JADE3: variants seen among roughly 807,000 people sequenced by gnomAD.
The protein encoded by JADE3 is jade family PHD finger 3, also known as protein Jade-3.
A neutral mutation model predicts 50.1 loss-of-function variants in JADE3; 2 were observed. The observed-to-expected ratio is 0.04, with a 90% confidence interval of 0.02 to 0.13. The LOEUF (loss-of-function observed/expected upper bound fraction) is 0.13. JADE3 is among the 10% of genes least tolerant of loss of function. JADE3 has a pLI of 1.00. For synonymous variants in JADE3, 218 were observed against 232.9 expected (o/e 0.94, Z 0.58); for missense variants, 475 against 634.4 (o/e 0.75, Z 2.70).
At chrX:47,017,448 A>G (rs1928699612) in intron 4 of JADE3, among the ~76,000 whole-genome samples, 1 of 112,093 alleles carries the variant, frequency 8.9e-6, no homozygotes, top group African/African-American at 3.2e-5. Flanking sequence ...TAGAAGGAAA[A>G]CAATGCTTCA....
At chrX:46,988,873 TC>T (rs1927920106) in intron 3 of JADE3, among the ~76,000 whole-genome samples, 1 of 112,452 alleles carries the variant, frequency 8.9e-6, no homozygotes, top group Admixed American at 9.3e-5. Context: ...GGAGTCTCGC[TC>T]TGTCGCTCAG....
intron 4 of JADE3, among the ~76,000 whole-genome samples, chrX:47,006,040 G>A (rs1928409268): frequency 9.0e-6 from 1 of 111,469 alleles, no homozygotes. Context: ...TCAAGAATCA[G>A]GAAGGTCTCA....
chrX:47,056,846 T>G (rs1262746265), intron 10 of JADE3, among the ~76,000 whole-genome samples: 1 of 111,986 alleles, frequency 8.9e-6, no homozygotes, highest in South Asian at 3.7e-4. Flanking sequence ...TCCCTGTGCC[T>G]CATTTAACAC....
chrX:47,042,567 A>G (rs948246963), intron 8 of JADE3, among the ~76,000 whole-genome samples: 1 of 111,612 alleles, frequency 9.0e-6, no homozygotes, highest in Admixed American at 9.5e-5. Context: ...CCAAATTGAG[A>G]CTCTTACAAT....
intron 4 of JADE3, among the ~76,000 whole-genome samples, chrX:47,004,011 C>T (rs992071952): frequency 9.3e-6 from 1 of 107,858 alleles, no homozygotes; most frequent in East Asian, 2.9e-4. Context: ...GTACAACTTC[C>T]ACCTCCTAGG....
At chrX:46,961,313 G>A (rs1927252702) in intron 1 of JADE3, among the ~76,000 whole-genome samples, 1 of 111,442 alleles carries the variant, frequency 9.0e-6, no homozygotes, top group African/African-American at 3.3e-5. Context: ...CATTTATACT[G>A]TCTACAACGG....
intron 3 of JADE3, among the ~76,000 whole-genome samples, chrX:46,989,137 C>T (rs888781136): frequency 9.0e-6 from 1 of 111,599 alleles, no homozygotes; most frequent in Non-Finnish European, 1.9e-5. Flanking sequence ...TGCGCCCTGC[C>T]GCCATTGGCT....
In JADE3 at chrX:47,058,260, A is replaced by T; in HGVS notation, c.1655A>T (p.Asp552Val). 1 of 1,210,404 alleles carries T rather than the reference A, an allele frequency of 8.3e-7. No homozygotes were observed. The highest frequency in any genetic ancestry group is 1.1e-6 in the Non-Finnish European group (1 of 894,799). Residue 552 changes from aspartate (D) to valine (V), a missense_variant, in exon 11 of 11, where the codon GAC (aspartate) becomes GTC (valine). By Grantham distance (152) the Asp-to-Val change is radical. This residue lies in a region of JADE3 where 243 missense variants were observed against 238.2 expected (regional missense o/e 1.02). Transcript: ENST00000614628. ...KLKMPKSTPE[D>V]HRNSSTETDQ... ...AAAATGCCCAAATCAACCCCAGAAG[A>T]CCACAGAAACAGCTCCACAGAAACC...
At chrX:46,923,393 C>CTCTTTTTTTTT (rs1556338199) in intron 1 of JADE3, among the ~76,000 whole-genome samples, 1 of 11,522 alleles carries the variant, frequency 8.7e-5, no homozygotes, top group African/African-American at 2.0e-4. Context: ...CTCTCTCTCT[C>CTCTTTTTTTTT]TTTTTTTTTT....
rs1556357944 is a variant in JADE3, at chrX:46,998,187, A to G, written c.194A>G (p.Tyr65Cys). The G allele has an allele frequency of 6.6e-6, 8 of 1,204,232 alleles. No homozygotes were observed. The highest frequency in any genetic ancestry group is 9.0e-6 in the Non-Finnish European group (8 of 889,221). The change falls in exon 4 of 11, where the codon TAT becomes TGT. Residue 65 changes from tyrosine to cysteine, a missense_variant. By Grantham distance (194) the Tyr-to-Cys change is radical. Coordinates refer to ENST00000614628, the MANE Select transcript of JADE3 (RefSeq NM_014735.5). ...PDSHHINPDS[Y>C]YLFADTWKEE... Reference sequence around the variant, plus strand: ...TCTCACCACATTAATCCTGATAGCTATTACCTCTTTGCTGATACATGGAAG... The same window carrying G: ...TCTCACCACATTAATCCTGATAGCTGTTACCTCTTTGCTGATACATGGAAG...
intron 4 of JADE3, among the ~76,000 whole-genome samples, chrX:46,999,925 C>G (rs1262630457): frequency 9.0e-6 from 1 of 111,475 alleles, no homozygotes; most frequent in Non-Finnish European, 1.9e-5. Context: ...CTACTGGTTA[C>G]TGTGAGAAAT....
intron 1 of JADE3, among the ~76,000 whole-genome samples, chrX:46,945,492 C>G: frequency 9.0e-6 from 1 of 111,253 alleles, no homozygotes; most frequent in Non-Finnish European, 1.9e-5. Context: ...GTTTGCACAG[C>G]CCCCAGTGCT....
rs369545065 is a variant in JADE3, at chrX:46,940,119, G to A, written c.-12+27400G>A. Among the ~76,000 whole-genome samples, 10 of 112,487 alleles carry A rather than the reference G, an allele frequency of 8.9e-5. No individual in the cohort carries two copies. In the East Asian group the frequency reaches 2.5e-3, roughly 28 times the overall value. ...AACTCCTGGTTTACAATAATGTTGA[G>A]TGAATTAGGTTAGAGTGTCAGTAAT... On this transcript the variant is annotated intron_variant, in intron 1 of 10. Transcript: ENST00000614628.
intron 1 of JADE3, among the ~76,000 whole-genome samples, chrX:46,916,577 T>A (rs948526428): frequency 8.9e-6 from 1 of 112,218 alleles, no homozygotes; most frequent in African/African-American, 3.2e-5. Context: ...AACTCCACTT[T>A]TCTCACCATT....
At chrX:46,972,762 G>A (rs1927527712) in intron 1 of JADE3, among the ~76,000 whole-genome samples, 1 of 111,556 alleles carries the variant, frequency 9.0e-6, no homozygotes, top group Non-Finnish European at 1.9e-5. Context: ...CCCATGCCTG[G>A]CTAATTTTTG....
chrX:47,002,276 G>A (rs1162395703), intron 4 of JADE3, among the ~76,000 whole-genome samples: 1 of 111,243 alleles, frequency 9.0e-6, no homozygotes, highest in East Asian at 2.8e-4. Flanking sequence ...AATTAATTTT[G>A]TGTAAGATAT....
In JADE3 at chrX:46,912,544, G is replaced by T. The variant is rs2147098568; in HGVS notation, c.-187G>T. The T allele has an allele frequency of 8.9e-6, 1 of 111,791 alleles. No homozygotes were observed. Among genetic ancestry groups the T allele is most frequent in the Admixed American group, 9.3e-5 (1 of 10,764 alleles). 9.2% of individuals were successfully genotyped at this position (111,791 alleles called of 1,213,427 possible). A position where few individuals can be genotyped will look rare whatever the true frequency, so the allele number is the denominator to read the frequency against. On this transcript the variant is annotated 5_prime_UTR_variant, in exon 1 of 11. Coordinates refer to ENST00000614628, the MANE Select transcript of JADE3 (RefSeq NM_014735.5). ...GGCCGAGGGCGGGAGCTGAGGCGCG[G>T]GGGGCGGCCCCGGCGGGGGGCGGGG... is the stretch of plus-strand genomic sequence containing the variant.
chrX:47,003,860 TTATTTTTATATATTTA>T (rs1556359736), intron 4 of JADE3, among the ~76,000 whole-genome samples: 3 of 101,681 alleles, frequency 3.0e-5, no homozygotes, highest in Non-Finnish European at 3.9e-5. Context: ...ATATATAAAT[TTATTTTTATATATTTA>T]TATTTTTATA....
intron 1 of JADE3, among the ~76,000 whole-genome samples, chrX:46,960,519 G>A (rs1927237232): frequency 8.9e-6 from 1 of 112,008 alleles, no homozygotes; most frequent in African/African-American, 3.2e-5. Flanking sequence ...AGTCTCTAGT[G>A]GGCTTCCCTA....
Sources: gnomAD v4.1 joint callset for allele counts (sites outside exome capture counted in the v4.1 genomes callset) on GRCh38, gnomAD v4.1.1 for gene constraint, gnomAD v4.1.1 regional missense constraint, MANE v1.5 for transcripts, NCBI Gene and HGNC (gene_info 2026-07-23, HGNC 2026-07-21) for gene names.